ADGRL1: variants seen among roughly 807,000 people sequenced by gnomAD.
The protein encoded by ADGRL1 is adhesion G protein-coupled receptor L1.
A neutral mutation model predicts 148.9 loss-of-function variants in ADGRL1; 31 were observed. That is an observed-to-expected ratio of 0.21 (90% CI 0.16 to 0.28). The LOEUF (loss-of-function observed/expected upper bound fraction) is 0.28, where lower values mean the gene tolerates loss of function less well. Among genes scored for constraint, ADGRL1 ranks in the 10% least tolerant of loss-of-function variants. The pLI, the probability that ADGRL1 is intolerant of heterozygous loss-of-function variation, is 1.00. For synonymous variants in ADGRL1, 937 were observed against 900.3 expected, an observed-to-expected ratio of 1.04 and a Z score of -0.73; for missense variants, 1,521 against 2,058.8, an observed-to-expected ratio of 0.74 and a Z score of 5.05.
rs1568580650 is a variant in ADGRL1, at chr19:14,160,710, C to CA, written c.1511-15dup. ...AGGAGGCAATTCCTGCAGGGACAGA[C>CA]AGACAGGAACAGACAAGGGAGCCAA... On this transcript the variant is annotated splice_polypyrimidine_tract_variant and intron_variant, in intron 6 of 22. Coordinates refer to ENST00000361434, the MANE Select transcript of ADGRL1 (RefSeq NM_014921.5). This position sits in a 1 kb window ranked among gnomAD's most constrained non-coding sequence, Gnocchi z 5.9. The CA allele has an allele frequency of 6.9e-7, 1 of 1,456,890 alleles. No homozygotes were observed. The highest frequency in any genetic ancestry group is 1.7e-5 in the Admixed American group (1 of 58,796). 90.2% of individuals were successfully genotyped at this position (1,456,890 alleles called of 1,614,324 possible).
chr19:14,167,087 A>G (rs576357437), intron 4 of ADGRL1: 32 of 1,399,106 alleles, frequency 2.3e-5, no homozygotes, highest in Non-Finnish European at 3.2e-5. Context: ...AATGTGCAAG[A>G]AAAAAAGAGA....
chr19:14,185,039 C>T (rs10425619), intron 1 of ADGRL1, among the ~76,000 whole-genome samples: 6,060 of 152,034 alleles, frequency 0.04, 391 homozygotes, highest in African/African-American at 0.14. Context: ...TGCCTGGGCC[C>T]CCCAAAACTT....
At chr19:14,180,194 G>GT (rs1971093434) in intron 2 of ADGRL1, among the ~76,000 whole-genome samples, 1 of 152,152 alleles carries the variant, frequency 6.6e-6, no homozygotes, top group Non-Finnish European at 1.5e-5. Flanking sequence ...ACTGAAGGGA[G>GT]TAACTGGAAA....
intron 2 of ADGRL1, among the ~76,000 whole-genome samples, chr19:14,183,223 G>GAGAGAGAGAGAGAC (rs1568616276): frequency 6.6e-6 from 1 of 152,016 alleles, no homozygotes; most frequent in Non-Finnish European, 1.5e-5. Context: ...GAGAGCGAGA[G>GAGAGAGAGAGAGAC]AGAGACAGAG....
At chr19:14,167,590 C>A (rs983686696) in intron 4 of ADGRL1, among the ~76,000 whole-genome samples, 15 of 152,154 alleles carry the variant, frequency 9.9e-5, no homozygotes, top group Admixed American at 8.5e-4. Context: ...AGGCTGAACT[C>A]CTTCCCCTTT....
rs1972550958 is a variant in ADGRL1, at chr19:14,200,786, AT to A, written c.-96+5198del. 5.3e-5 allele frequency among the ~76,000 whole-genome samples: 8 copies of A among 151,294 alleles called. No homozygotes were observed. The South Asian group carries it at 1.5e-3, about 28-fold the overall frequency. ...GGCACCATGCCCAACTAATTTTTAAATTTTGTATTCTGTAAAGAAGGGGGTC... is the reference window on the plus strand; with the variant it reads ...GGCACCATGCCCAACTAATTTTTAAATTTGTATTCTGTAAAGAAGGGGGTC... On this transcript the variant is annotated intron_variant, in intron 1 of 22. Transcript: ENST00000361434.
rs373486796 is a variant in ADGRL1, at chr19:14,152,286, G to T, written c.3649+23C>A. Reference sequence around the variant, plus strand: ...CACAAACCCTCCATTTCCCAACCTGGGATGTTTCCCCCGTGCTCTCACCTG... The same window carrying T: ...CACAAACCCTCCATTTCCCAACCTGTGATGTTTCCCCCGTGCTCTCACCTG... On this transcript the variant is annotated intron_variant, in intron 21 of 22. Transcript: ENST00000361434. The surrounding 1 kb of genome is among the most constrained non-coding windows in gnomAD (Gnocchi z 6.1). 58 of 1,606,302 alleles carry T rather than the reference G, an allele frequency of 3.6e-5. No homozygotes were observed. Among genetic ancestry groups the T allele is most frequent in the Non-Finnish European group, 4.6e-5 (54 of 1,174,948 alleles).
At position 14,157,153 on chromosome 19, in the gene ADGRL1, G is replaced by A. The variant is rs778605572; in HGVS notation, c.2746-8C>T. The A allele has an allele frequency of 1.9e-6, 3 of 1,613,898 alleles. No individual in the cohort carries two copies. Among genetic ancestry groups the A allele is most frequent in the East Asian group, 2.2e-5 (1 of 44,876 alleles). ...GAAGATGGGGCAGGCAATCTGCGGG[G>A]AGCACTGAGGGTGAGGGGCTGCTGC... On this transcript the variant is annotated splice_polypyrimidine_tract_variant and splice_region_variant and intron_variant, in intron 14 of 22. Coordinates refer to ENST00000361434, the MANE Select transcript of ADGRL1 (RefSeq NM_014921.5). The surrounding 1 kb of genome is among the most constrained non-coding windows in gnomAD (Gnocchi z 7.5).
In ADGRL1 at chr19:14,155,027, T is replaced by C; in HGVS notation, c.3294+332A>G. 5.4e-6 allele frequency: 1 copy of C among 186,430 alleles called. No homozygotes were observed. The allele number at this position is 186,430 out of a possible 1,614,324, so 11.5% of individuals were successfully genotyped here. A position where few individuals can be genotyped will look rare whatever the true frequency, so the allele number is the denominator to read the frequency against. On this transcript the variant is annotated intron_variant, in intron 18 of 22. Coordinates refer to ENST00000361434, the MANE Select transcript of ADGRL1 (RefSeq NM_014921.5). The surrounding 1 kb of genome is among the most constrained non-coding windows in gnomAD (Gnocchi z 5.0). ...AACTATGAATGTAGGCAGTGCTCCC[T>C]CAGGGTGGCTCCCAAAGTCCTCCCT...
chr19:14,203,611 C>T (rs1249127595), intron 1 of ADGRL1, among the ~76,000 whole-genome samples: 3 of 152,184 alleles, frequency 2.0e-5, no homozygotes, highest in Non-Finnish European at 4.4e-5. Context: ...TCCTCCCCAA[C>T]GTGCCCACAG....
Position 14,159,121 on chromosome 19 carries a change from A to G in ADGRL1, c.2118T>C (p.Ser706=). 1 of 1,614,096 alleles carries G rather than the reference A, an allele frequency of 6.2e-7. No individual in the cohort carries two copies. Among genetic ancestry groups the G allele is most frequent in the Non-Finnish European group, 8.5e-7 (1 of 1,180,014 alleles). Residue 706 remains serine, a synonymous_variant, in exon 11 of 23, where the codon TCT becomes TCC. Transcript: ENST00000361434. The surrounding 1 kb of genome is among the most constrained non-coding windows in gnomAD (Gnocchi z 6.0). The stretch of plus-strand genomic sequence containing the variant: ...GGCTGTTCTGCTTGATGGTTTTGGC[A>G]GACAGCTGGATGGAGTTCTTTCTCG... ...EYPRKNSIQL[S]AKTIKQNSRN...
chr19:14,184,218 C>A (rs1971415675), intron 1 of ADGRL1, among the ~76,000 whole-genome samples: 1 of 152,270 alleles, frequency 6.6e-6, no homozygotes, highest in Admixed American at 6.5e-5. Flanking sequence ...CGCCACAGAT[C>A]GGGAACCAGG....
Position 14,159,059 on chromosome 19 carries a change from C to A in ADGRL1, c.2149+31G>T, listed in dbSNP as rs374398050. The A allele has an allele frequency of 1.6e-4, 261 of 1,611,574 alleles. 1 individual carries two copies. The African/African-American group carries it at 2.8e-3, about 17-fold the overall frequency. ...CTGGGGGGTGGGGGTGGGGCTGCTT[C>A]CCCACCCGAGGCCCCGCCGGGGACA... On this transcript the variant is annotated intron_variant, in intron 11 of 22. Transcript: ENST00000361434. This position sits in a 1 kb window ranked among gnomAD's most constrained non-coding sequence, Gnocchi z 6.0.
chr19:14,161,477 G>C lies in ADGRL1; in HGVS notation c.1345C>G (p.Leu449Val). Residue 449 changes from leucine (L) to valine (V), a missense_variant, in exon 6 of 23, where the codon CTG (leucine) becomes GTG (valine). By Grantham distance (32) the Leu-to-Val change is conservative. Coordinates refer to ENST00000361434, the MANE Select transcript of ADGRL1 (RefSeq NM_014921.5). The surrounding 1 kb of genome is among the most constrained non-coding windows in gnomAD (Gnocchi z 4.4). ...GGGACTGGGGCTGTGGCTGGAGGCA[G>C]ATCAGGTCCCAGCTGGTTGATGGCA... is the stretch of plus-strand genomic sequence containing the variant. ...VGAINQLGPD[L>V]PPATAPVPST... 1 of 1,453,438 alleles carries C rather than the reference G, an allele frequency of 6.9e-7. No individual in the cohort carries two copies. The highest frequency in any genetic ancestry group is 9.1e-7 in the Non-Finnish European group (1 of 1,101,460). The allele number at this position is 1,453,438 out of a possible 1,614,324, so 90.0% of individuals were successfully genotyped here. A position where few individuals can be genotyped will look rare whatever the true frequency, so the allele number is the denominator to read the frequency against.
Position 14,159,787 on chromosome 19 carries a change from G to A in ADGRL1, c.1801-14C>T. 1 of 1,612,714 alleles carries A rather than the reference G, an allele frequency of 6.2e-7. No individual in the cohort carries two copies. The highest frequency in any genetic ancestry group is 8.5e-7 in the Non-Finnish European group (1 of 1,178,796). Reference sequence around the variant, plus strand: ...TCGCTTGTGCATCTAGAAAGAGATGGAGGTGATGTCAGGCCAGGCCTCTGG... The same window carrying A: ...TCGCTTGTGCATCTAGAAAGAGATGAAGGTGATGTCAGGCCAGGCCTCTGG... On this transcript the variant is annotated splice_polypyrimidine_tract_variant and intron_variant, in intron 8 of 22. Transcript: ENST00000361434. The surrounding 1 kb of genome is among the most constrained non-coding windows in gnomAD (Gnocchi z 6.0).
At position 14,206,014 on chromosome 19, in the gene ADGRL1, G is replaced by C. The variant is rs1468498092; in HGVS notation, c.-125C>G. ...CCAGCGCCTCTCTGGGGTCGGCCCA[G>C]CGTGTCTCTCCTGCGGCTCGGCGAA... is the stretch of plus-strand genomic sequence containing the variant. On this transcript the variant is annotated 5_prime_UTR_variant, in exon 1 of 23. Transcript: ENST00000361434. 1 of 151,596 alleles carries C rather than the reference G, an allele frequency of 6.6e-6. No individual in the cohort carries two copies. The allele number at this position is 151,596 out of a possible 1,614,324, so 9.4% of individuals were successfully genotyped here.
chr19:14,176,214 G>A (rs776949477), intron 3 of ADGRL1, among the ~76,000 whole-genome samples: 1 of 151,768 alleles, frequency 6.6e-6, no homozygotes, highest in African/African-American at 2.4e-5. Flanking sequence ...AGCTTGGCGT[G>A]GTGGTGCGCG....
rs1969099436 is a variant in ADGRL1 at position 14,159,322 on chromosome 19, C to T, written c.2023+79G>A. ...GGCAAGATGCCCAAGGGTCGGATAG[C>T]CCCCCTGTGGCCTCCAGGCCAGAAC... On this transcript the variant is annotated intron_variant, in intron 10 of 22. Transcript: ENST00000361434. The surrounding 1 kb of genome is among the most constrained non-coding windows in gnomAD (Gnocchi z 6.0). 1.9e-6 allele frequency: 3 copies of T among 1,571,192 alleles called. No individual in the cohort carries two copies. Among genetic ancestry groups the T allele is most frequent in the East Asian group, 2.3e-5 (1 of 44,344 alleles).
chr19:14,162,539 AG>A lies in ADGRL1; in HGVS notation c.1195+66del. 1.4e-6 allele frequency: 2 copies of A among 1,421,074 alleles called. No homozygotes were observed. 88.0% of individuals were successfully genotyped at this position (1,421,074 alleles called of 1,614,324 possible). On this transcript the variant is annotated intron_variant, in intron 5 of 22. Transcript: ENST00000361434. This position sits in a 1 kb window ranked among gnomAD's most constrained non-coding sequence, Gnocchi z 5.4. The stretch of plus-strand genomic sequence containing the variant: ...GATGGGGCTCCCCACTCTGGGACCC[AG>A]GGGTGGGTGGGGGTGGAGGGGACAA...
Sources: gnomAD v4.1 joint callset for allele counts (sites outside exome capture counted in the v4.1 genomes callset) on GRCh38, gnomAD v4.1.1 for gene constraint, Gnocchi (gnomAD v3.1) non-coding constraint, MANE v1.5 for transcripts, NCBI Gene and HGNC (gene_info 2026-07-23, HGNC 2026-07-21) for gene names.